The following CDH4 variants were observed in gnomAD, a reference collection of about 807,000 sequenced individuals.
CDH4 encodes the protein cadherin 4, also known as cadherin-4.
Under a neutral mutation model 86.0 loss-of-function variants are expected in CDH4, and 33 were observed. The ratio of observed to expected loss-of-function variants is 0.38; its 90% confidence interval spans 0.29 to 0.51. The LOEUF (loss-of-function observed/expected upper bound fraction) is 0.51. Among genes scored for constraint, CDH4 ranks in the 20% least tolerant of loss-of-function variants. The pLI, the probability that CDH4 is intolerant of heterozygous loss-of-function variation, is 0.86. For synonymous variants in CDH4, 555 were observed against 549.4 expected (o/e 1.01, Z -0.14); for missense variants, 1,114 against 1,307.4 (o/e 0.85, Z 2.28).
chr20:61,469,690 G>GAGGTCTT (rs993087817), intron 2 of CDH4, among the ~76,000 whole-genome samples: 3 of 152,262 alleles, frequency 2.0e-5, no homozygotes, highest in Admixed American at 2.0e-4. Context: ...TTCATGGTTT[G>GAGGTCTT]AGGTCTTAGA....
At chr20:61,772,008 G>T (rs75672233) in intron 3 of CDH4, among the ~76,000 whole-genome samples, 12,029 of 152,278 alleles carry the variant, frequency 0.079, 632 homozygotes, top group Non-Finnish European at 0.11. Context: ...CTGAGTGACC[G>T]CGGGGACCCA....
chr20:61,459,974 C>T (rs2085432634), intron 2 of CDH4, among the ~76,000 whole-genome samples: 1 of 152,074 alleles, frequency 6.6e-6, no homozygotes, highest in Non-Finnish European at 1.5e-5. Flanking sequence ...ACACCTGGGA[C>T]CTCACACTCC....
intron 3 of CDH4, 109 bp downstream of exon 3, chr20:61,743,898 C>T: frequency 1.2e-6 from 1 of 824,888 alleles, no homozygotes; most frequent in Non-Finnish European, 2.0e-6. Flanking sequence ...CAGTCACCTC[C>T]TCCTCGGGCT....
intron 2 of CDH4, among the ~76,000 whole-genome samples, chr20:61,494,532 T>C (rs1175834282): frequency 1.3e-5 from 2 of 152,264 alleles, no homozygotes; most frequent in South Asian, 2.1e-4. Context: ...GTAGTAATTT[T>C]GTTTCAAGAA....
chr20:61,776,970 G>C (rs1450161369), intron 4 of CDH4, among the ~76,000 whole-genome samples: 1 of 152,202 alleles, frequency 6.6e-6, no homozygotes, highest in East Asian at 1.9e-4. Context: ...AGATCAGCCT[G>C]TGTCCTTTCC....
intron 4 of CDH4, among the ~76,000 whole-genome samples, chr20:61,843,625 C>T (rs1174178338): frequency 6.6e-6 from 1 of 150,610 alleles, no homozygotes; most frequent in Non-Finnish European, 1.5e-5. Context: ...CACAGGAGGT[C>T]AAGGCTGCAG....
At position 61,510,959 on chromosome 20, in the gene CDH4, G is replaced by T. The variant is rs1293063976; in HGVS notation, c.170-232604G>T. ...AGCAGGAGTGAGAGAGAGAGAGAAA[G>T]TTGGGGGCGGCTGTCTCACACTTTT... On this transcript the variant is annotated intron_variant, in intron 2 of 15. Coordinates refer to ENST00000614565, the MANE Select transcript of CDH4 (RefSeq NM_001794.5). The surrounding 1 kb of genome is among the most constrained non-coding windows in gnomAD (Gnocchi z 4.2). Among the ~76,000 whole-genome samples, 2 of 151,910 alleles carry T rather than the reference G, an allele frequency of 1.3e-5. No homozygotes were observed. Among genetic ancestry groups the T allele is most frequent in the Non-Finnish European group, 2.9e-5 (2 of 67,996 alleles).
At chr20:61,308,122 C>T (rs6124081) in intron 2 of CDH4, among the ~76,000 whole-genome samples, 86,283 of 152,080 alleles carry the variant, frequency 0.57, 25,802 homozygotes, top group Non-Finnish European at 0.66. Flanking sequence ...AGGGCTGAAC[C>T]TCACTGCCCA....
chr20:61,593,209 A>G (rs2086530696), intron 2 of CDH4, among the ~76,000 whole-genome samples: 1 of 152,250 alleles, frequency 6.6e-6, no homozygotes. Context: ...AAACTCACAC[A>G]CGCTCATGGG....
At chr20:61,373,206 G>A (rs1375365873) in intron 2 of CDH4, among the ~76,000 whole-genome samples, 2 of 151,976 alleles carry the variant, frequency 1.3e-5, no homozygotes, top group South Asian at 2.1e-4. Context: ...GTGTCCTGCC[G>A]GCCCCGTAGC....
chr20:61,585,631 GTGATGGTGATGA>G (rs1417499050), intron 2 of CDH4, among the ~76,000 whole-genome samples: 141 of 152,294 alleles, frequency 9.3e-4, no homozygotes, highest in Non-Finnish European at 1.7e-3. Flanking sequence ...GGTCATGACG[GTGATGGTGATGA>G]TGATGGTGAT....
chr20:61,296,288 T>C (rs28366651), intron 2 of CDH4, among the ~76,000 whole-genome samples: 12 of 114,018 alleles, frequency 1.1e-4, no homozygotes, highest in African/African-American at 1.4e-4. Context: ...TGGGTGCGTG[T>C]GTGTGTGTGC....
chr20:61,923,729 C>T, intron 10 of CDH4, 25 bp downstream of exon 10: 1 of 1,607,524 alleles, frequency 6.2e-7, no homozygotes, highest in Non-Finnish European at 8.5e-7. Flanking sequence ...CATGCCTCGT[C>T]CCTGCCTGCA....
intron 7 of CDH4, among the ~76,000 whole-genome samples, chr20:61,893,493 GGGTA>G (rs1984948457): frequency 6.6e-6 from 1 of 151,398 alleles, no homozygotes; most frequent in African/African-American, 2.4e-5. Flanking sequence ...GATGGTGGAT[GGGTA>G]GGTGGGTGGA....
chr20:61,889,293 CATGGATGGATGGATGGATGG>C lies in CDH4; in HGVS notation c.1051-5588_1051-5569del, dbSNP rs59254816. Among the ~76,000 whole-genome samples the C allele has an allele frequency of 2.7e-3, 378 of 141,852 alleles. 3 individuals carry two copies. The highest frequency in any genetic ancestry group is 4.3e-3 in the African/African-American group (162 of 38,026). The allele number at this position is 141,852 out of a possible 152,430, so 93.1% of individuals were successfully genotyped here. A position where few individuals can be genotyped will look rare whatever the true frequency, so the allele number is the denominator to read the frequency against. ...GACATAAGGAGAGGTCTCTTTAAAG[CATGGATGGATGGATGGATGG>C]ATGGATGGATGGATGGATGGATGGA... On this transcript the variant is annotated intron_variant, in intron 7 of 15. Coordinates refer to ENST00000614565, the MANE Select transcript of CDH4 (RefSeq NM_001794.5).
chr20:61,434,427 A>G (rs933098134), intron 2 of CDH4, among the ~76,000 whole-genome samples: 5 of 152,210 alleles, frequency 3.3e-5, no homozygotes, highest in Non-Finnish European at 5.9e-5. Context: ...TTTGTGGAAC[A>G]CTGCGATGCA....
Position 61,605,032 on chromosome 20 carries a change from G to T in CDH4, c.170-138531G>T, listed in dbSNP as rs2086631792. Among the ~76,000 whole-genome samples the T allele has an allele frequency of 2.0e-5, 3 of 152,224 alleles. No individual in the cohort carries two copies. In the South Asian group the frequency reaches 6.2e-4, roughly 32 times the overall value. ...CAAGCTGGAAGTTTTGGTGCAGACA[G>T]TGTGGAAGGCTGGCCTCTCGTGGTG... On this transcript the variant is annotated intron_variant, in intron 2 of 15. Transcript: ENST00000614565.
Position 61,554,992 on chromosome 20 carries a change from A to G in CDH4, c.170-188571A>G, listed in dbSNP as rs1397709409. ...GTGTTTACATGGCAAATATATGTGAAGGTGCCCTCCCAGTATTGCCCATGT... is the reference window on the plus strand; with the variant it reads ...GTGTTTACATGGCAAATATATGTGAGGGTGCCCTCCCAGTATTGCCCATGT... On this transcript the variant is annotated intron_variant, in intron 2 of 15. Coordinates refer to ENST00000614565, the MANE Select transcript of CDH4 (RefSeq NM_001794.5). Among the ~76,000 whole-genome samples the G allele has an allele frequency of 2.6e-5, 4 of 152,216 alleles. No individual in the cohort carries two copies. In the East Asian group the frequency reaches 5.8e-4, roughly 22 times the overall value.
rs1018896024 is a variant in CDH4, at chr20:61,447,425, C to T, written c.169+192488C>T. On this transcript the variant is annotated intron_variant, in intron 2 of 15. Coordinates refer to ENST00000614565, the MANE Select transcript of CDH4 (RefSeq NM_001794.5). ...CTGACCTCAGGTGATCTGTCCACCTCGGCCTTCCAAAGTGCTGAAATTACA... is the reference window on the plus strand; with the variant it reads ...CTGACCTCAGGTGATCTGTCCACCTTGGCCTTCCAAAGTGCTGAAATTACA... 2.0e-5 allele frequency among the ~76,000 whole-genome samples: 3 copies of T among 150,764 alleles called. No individual in the cohort carries two copies. In the Admixed American group the frequency reaches 2.0e-4, roughly 10 times the overall value.
Sources: gnomAD v4.1 joint callset for allele counts (sites outside exome capture counted in the v4.1 genomes callset) on GRCh38, gnomAD v4.1.1 for gene constraint, Gnocchi (gnomAD v3.1) non-coding constraint, MANE v1.5 for transcripts, NCBI Gene and HGNC (gene_info 2026-07-23, HGNC 2026-07-21) for gene names.